Variants in BAZ2B observed in about 807,000 individuals in gnomAD.
BAZ2B encodes the protein bromodomain adjacent to zinc finger domain 2B, also known as bromodomain adjacent to zinc finger domain protein 2B.
A neutral mutation model predicts 246.0 loss-of-function variants in BAZ2B; 91 were observed. The ratio of observed to expected loss-of-function variants is 0.37; its 90% CI spans 0.31 to 0.44. The LOEUF is 0.44. Among genes scored for constraint, BAZ2B ranks in the 20% least tolerant of loss-of-function variants. The probability of loss-of-function intolerance (pLI) is 1.00; values close to 1 mark genes in which losing one functional copy is unlikely to be tolerated. For synonymous variants in BAZ2B, 855 were observed against 860.0 expected, an observed-to-expected ratio of 0.99 and a Z score of 0.10; for missense variants, 2,332 against 2,533.7, an observed-to-expected ratio of 0.92 and a Z score of 1.71.
At chr2:159,552,399 G>T (rs541876212) in intron 2 of BAZ2B, among the ~76,000 whole-genome samples, 2 of 152,102 alleles carry the variant, frequency 1.3e-5, no homozygotes, top group Admixed American at 6.6e-5. Flanking sequence ...TAGATTTCAC[G>T]CCCATTGGTG....
chr2:159,599,120 C>T (rs1359268037), intron 1 of BAZ2B, among the ~76,000 whole-genome samples: 1 of 152,060 alleles, frequency 6.6e-6, no homozygotes, highest in African/African-American at 2.4e-5. Flanking sequence ...ATCCCAGCTA[C>T]TCAACTTATT....
intron 31 of BAZ2B, among the ~76,000 whole-genome samples, chr2:159,340,705 CTG>C (rs2066533828): frequency 6.6e-6 from 1 of 151,456 alleles, no homozygotes; most frequent in Admixed American, 6.6e-5. Context: ...CTTTTACAGA[CTG>C]AGGGAAACTG....
chr2:159,641,282 A>G, the BAZ2B span, among the ~76,000 whole-genome samples: 1 of 152,230 alleles, frequency 6.6e-6, no homozygotes, highest in South Asian at 2.1e-4. Context: ...TTAGTATCTC[A>G]TTGCGGTTTT....
At chr2:159,511,528 A>AATTTAGTTC (rs1196307717) in intron 2 of BAZ2B, among the ~76,000 whole-genome samples, 1 of 152,128 alleles carries the variant, frequency 6.6e-6, no homozygotes, top group Non-Finnish European at 1.5e-5. Context: ...GCAATTTATA[A>AATTTAGTTC]AGGATGTAAC....
intron 16 of BAZ2B, among the ~76,000 whole-genome samples, chr2:159,400,930 A>G (rs988441153): frequency 6.6e-6 from 1 of 152,114 alleles, no homozygotes; most frequent in Non-Finnish European, 1.5e-5. Flanking sequence ...TGTAGTCCCA[A>G]CTACTCGGGA....
Position 159,609,100 on chromosome 2 carries a change from C to G in BAZ2B, c.-46+7142G>C, listed in dbSNP as rs186606220. On this transcript the variant is annotated intron_variant, in intron 1 of 36. Transcript: ENST00000392783. ...GAAATAGCATTTAACATTTTCTCCT[C>G]CCACCCTTCTCACTAAAAGCTTGAG... is the stretch of plus-strand genomic sequence containing the variant. Among the ~76,000 whole-genome samples the G allele has an allele frequency of 2.0e-5, 3 of 152,298 alleles. No individual in the cohort carries two copies. The East Asian group carries it at 5.8e-4, about 29-fold the overall frequency.
the BAZ2B span, among the ~76,000 whole-genome samples, chr2:159,659,634 A>G: frequency 1.3e-5 from 2 of 152,206 alleles, no homozygotes; most frequent in African/African-American, 4.8e-5. Context: ...ACCACTCAAA[A>G]GCTGGTAAAA....
At chr2:159,559,600 T>C (rs2089611236) in intron 1 of BAZ2B, among the ~76,000 whole-genome samples, 1 of 152,110 alleles carries the variant, frequency 6.6e-6, no homozygotes, top group Non-Finnish European at 1.5e-5. Context: ...GCTCATAGGA[T>C]AAAAAAACTA....
chr2:159,561,515 T>TAA (rs1476411958), intron 1 of BAZ2B, among the ~76,000 whole-genome samples: 2 of 152,200 alleles, frequency 1.3e-5, no homozygotes, highest in Admixed American at 1.3e-4. Flanking sequence ...CAAAATAGAC[T>TAA]AAGACAGTAG....
At chr2:159,693,101 C>T in the BAZ2B span, 1 of 151,834 alleles carries the variant, frequency 6.6e-6, no homozygotes, top group Admixed American at 6.6e-5. Flanking sequence ...AGCTTATTTT[C>T]CTAACATATG....
chr2:159,594,668 G>C (rs1268308851), intron 1 of BAZ2B, among the ~76,000 whole-genome samples: 1 of 146,884 alleles, frequency 6.8e-6, no homozygotes, highest in Non-Finnish European at 1.5e-5. Flanking sequence ...ATCTTGTTTT[G>C]TTGCCCAGGA....
chr2:159,704,657 A>AT, the BAZ2B span, among the ~76,000 whole-genome samples: 1 of 151,146 alleles, frequency 6.6e-6, no homozygotes, highest in Non-Finnish European at 1.5e-5. Context: ...TAATTTTTGT[A>AT]TTTTTAGTAG....
chr2:159,450,671 T>C (rs1011458069), intron 4 of BAZ2B, among the ~76,000 whole-genome samples: 3 of 150,924 alleles, frequency 2.0e-5, no homozygotes, highest in Non-Finnish European at 4.4e-5. Context: ...ATAAGGATTA[T>C]ATAAATCAGC....
rs754990524 is a variant in BAZ2B at position 159,353,432 on chromosome 2, TACA to T, written c.4214-3078_4214-3076del. On this transcript the variant is annotated intron_variant, in intron 27 of 36. Transcript: ENST00000392783. Reference sequence around the variant, plus strand: ...TACTGCCTTGGGACAGCTTCTAGGATACAACAATAAGGAGGAGTAATCCAGGTG... The same window carrying T: ...TACTGCCTTGGGACAGCTTCTAGGATACAATAAGGAGGAGTAATCCAGGTG... Among the ~76,000 whole-genome samples, 7 of 152,278 alleles carry T rather than the reference TACA, an allele frequency of 4.6e-5. No homozygotes were observed. The South Asian group carries it at 6.2e-4, about 14-fold the overall frequency.
At chr2:159,662,311 A>G in the BAZ2B span, among the ~76,000 whole-genome samples, 1 of 152,146 alleles carries the variant, frequency 6.6e-6, no homozygotes, top group Non-Finnish European at 1.5e-5. Flanking sequence ...ATGCACAAGT[A>G]TTTGTTTGGG....
At chr2:159,341,381 A>C (rs72955264) in intron 31 of BAZ2B, among the ~76,000 whole-genome samples, 5,887 of 152,094 alleles carry the variant, frequency 0.039, 135 homozygotes, top group South Asian at 0.073. Context: ...TCAATACATA[A>C]AGCAAATATT....
At chr2:159,460,889 G>A (rs78089996) in intron 3 of BAZ2B, 4 of 152,032 alleles carry the variant, frequency 2.6e-5, no homozygotes, top group African/African-American at 9.7e-5. Context: ...TTTCACTCTT[G>A]CATTCTAAAA....
intron 1 of BAZ2B, among the ~76,000 whole-genome samples, chr2:159,594,553 A>G (rs1690183171): frequency 6.6e-6 from 1 of 152,238 alleles, no homozygotes; most frequent in East Asian, 1.9e-4. Context: ...CAATCGGACA[A>G]GCTAGCATTA....
At chr2:159,519,583 A>C (rs1395670026) in intron 2 of BAZ2B, among the ~76,000 whole-genome samples, 1 of 151,328 alleles carries the variant, frequency 6.6e-6, no homozygotes, top group Non-Finnish European at 1.5e-5. Flanking sequence ...GCATAAGATC[A>C]CATAAAATGA....
Sources: allele counts gnomAD v4.1 joint callset (sites outside exome capture counted in the v4.1 genomes callset), GRCh38; gene constraint gnomAD v4.1.1; transcripts MANE v1.5; gene names NCBI Gene and HGNC (gene_info 2026-07-23, HGNC 2026-07-21).